The following TMED7 variants were observed in gnomAD, a reference collection of about 807,000 sequenced individuals.
TMED7 encodes the protein transmembrane emp24 domain-containing protein 7.
Under a neutral mutation model 23.4 loss-of-function variants are expected in TMED7, and 8 were observed. The observed-to-expected ratio is 0.34, with a 90% CI of 0.20 to 0.62. The LOEUF is 0.62. Ranked by LOEUF, TMED7 falls within the 20% of genes least tolerant of loss-of-function variation. The probability of loss-of-function intolerance (pLI) is 0.77; values close to 1 mark genes in which losing one functional copy is unlikely to be tolerated. For synonymous variants in TMED7, 121 were observed against 108.5 expected (o/e 1.12, Z -0.72); for missense variants, 232 against 279.1 (o/e 0.83, Z 1.20).
rs745457637 is a variant in TMED7, at chr5:115,620,462, A to G, written c.411T>C (p.Ser137=). ...QVGEDPPLFP[S]ENRVSALTQM... is the part of the protein sequence containing the mutation. Reference sequence around the variant, plus strand: ...GGGTAAGAGCACTGACTCGGTTCTCACTAGGAAACAAAGGTGGGTCTTCTC... The same window carrying G: ...GGGTAAGAGCACTGACTCGGTTCTCGCTAGGAAACAAAGGTGGGTCTTCTC... Residue 137 remains serine, a synonymous_variant, in exon 2 of 3, where the codon AGT becomes AGC. Coordinates refer to ENST00000456936, the MANE Select transcript of TMED7 (RefSeq NM_181836.6). 2 of 1,567,008 alleles carry G rather than the reference A, an allele frequency of 1.3e-6. No homozygotes were observed. The highest frequency in any genetic ancestry group is 1.7e-6 in the Non-Finnish European group (2 of 1,157,982).
chr5:115,622,151 C>T (rs372352462), intron 1 of TMED7, among the ~76,000 whole-genome samples: 19 of 152,220 alleles, frequency 1.2e-4, no homozygotes, highest in Non-Finnish European at 2.4e-4. Flanking sequence ...CTGAATTATA[C>T]GTATTTGACC....
Position 115,621,701 on chromosome 5 carries a change from G to C in TMED7, c.193-1021C>G, listed in dbSNP as rs551255600. On this transcript the variant is annotated intron_variant, in intron 1 of 2. Coordinates refer to ENST00000456936, the MANE Select transcript of TMED7 (RefSeq NM_181836.6). Reference sequence around the variant, plus strand: ...AAGGGGGAAAGGATTAAAGAGAAAGGCTTCCTTACATGAGAAAGAACTGAG... The same window carrying C: ...AAGGGGGAAAGGATTAAAGAGAAAGCCTTCCTTACATGAGAAAGAACTGAG... Among the ~76,000 whole-genome samples the C allele has an allele frequency of 7.2e-5, 11 of 152,314 alleles. 1 individual carries two copies. In the East Asian group the frequency reaches 2.1e-3, roughly 29 times the overall value.
intron 1 of TMED7, among the ~76,000 whole-genome samples, chr5:115,622,607 G>C (rs568738428): frequency 1.1e-4 from 16 of 152,236 alleles, no homozygotes; most frequent in African/African-American, 3.6e-4. Context: ...GATGCAGGTA[G>C]CTGCCCTTCT....
chr5:115,620,425 T>C lies in TMED7; in HGVS notation c.438+10A>G. 6.8e-7 allele frequency: 1 copy of C among 1,481,360 alleles called. No individual in the cohort carries two copies. Among genetic ancestry groups the C allele is most frequent in the South Asian group, 1.5e-5 (1 of 68,032 alleles). The allele number at this position is 1,481,360 out of a possible 1,614,324, so 91.8% of individuals were successfully genotyped here. A position where few individuals can be genotyped will look rare whatever the true frequency, so the allele number is the denominator to read the frequency against. ...TATACCAACATTATATTGCTGATTTTTTTATTTACCTGGGTAAGAGCACTG... is the reference window on the plus strand; with the variant it reads ...TATACCAACATTATATTGCTGATTTCTTTATTTACCTGGGTAAGAGCACTG... On this transcript the variant is annotated intron_variant, in intron 2 of 2. Coordinates refer to ENST00000456936, the MANE Select transcript of TMED7 (RefSeq NM_181836.6).
At chr5:115,616,760 G>C (rs1756774213) in intron 2 of TMED7, among the ~76,000 whole-genome samples, 1 of 152,132 alleles carries the variant, frequency 6.6e-6, no homozygotes, top group Non-Finnish European at 1.5e-5. Flanking sequence ...AGCTAAGGTT[G>C]GTGACTACAG....
Position 115,625,898 on chromosome 5 carries a change from A to G in TMED7, c.-106T>C. The G allele has an allele frequency of 1.5e-6, 2 of 1,299,620 alleles. No homozygotes were observed. The highest frequency in any genetic ancestry group is 6.4e-5 in the East Asian group (2 of 31,462). 80.5% of individuals were successfully genotyped at this position (1,299,620 alleles called of 1,614,324 possible). A position where few individuals can be genotyped will look rare whatever the true frequency, so the allele number is the denominator to read the frequency against. ...TCAGCGCAGGCCACCCCGCAAAGAT[A>G]CACAGCAGAGCAGGTTCACGCCTGT... On this transcript the variant is annotated 5_prime_UTR_variant, in exon 1 of 3. Coordinates refer to ENST00000456936, the MANE Select transcript of TMED7 (RefSeq NM_181836.6).
Position 115,615,086 on chromosome 5 carries a change from T to G in TMED7, c.*1123A>C, listed in dbSNP as rs1420610771. 1 of 152,140 alleles carries G rather than the reference T, an allele frequency of 6.6e-6. No homozygotes were observed. The highest frequency in any genetic ancestry group is 2.4e-5 in the African/African-American group (1 of 41,446). 9.4% of individuals were successfully genotyped at this position (152,140 alleles called of 1,614,324 possible). On this transcript the variant is annotated 3_prime_UTR_variant, in exon 3 of 3. Transcript: ENST00000456936. Reference sequence around the variant, plus strand: ...TGTAAACCCTATAGTCTACAGAATATGCACTATTTAATACTCATTAACTAA... The same window carrying G: ...TGTAAACCCTATAGTCTACAGAATAGGCACTATTTAATACTCATTAACTAA...
intron 1 of TMED7, among the ~76,000 whole-genome samples, chr5:115,623,075 G>A (rs1331158669): frequency 6.6e-6 from 1 of 152,148 alleles, no homozygotes; most frequent in African/African-American, 2.4e-5. Flanking sequence ...TAATAAAGTG[G>A]CTAAGAATTT....
rs558927151 is a variant in TMED7, at chr5:115,613,365, C to G, written c.*2844G>C. The G allele has an allele frequency of 3.3e-5, 5 of 152,292 alleles. No homozygotes were observed. The South Asian group carries it at 1.0e-3, about 32-fold the overall frequency. The allele number at this position is 152,292 out of a possible 1,614,324, so 9.4% of individuals were successfully genotyped here. On this transcript the variant is annotated 3_prime_UTR_variant, in exon 3 of 3. Coordinates refer to ENST00000456936, the MANE Select transcript of TMED7 (RefSeq NM_181836.6). ...AGACGTGGTATTTCTCTTTCACCTT[C>G]TTTCTTGGACAGTCCCTCAGATATT... is the stretch of plus-strand genomic sequence containing the variant.
Position 115,614,846 on chromosome 5 carries a change from C to T in TMED7, c.*1363G>A, listed in dbSNP as rs1165198125. On this transcript the variant is annotated 3_prime_UTR_variant, in exon 3 of 3. Coordinates refer to ENST00000456936, the MANE Select transcript of TMED7 (RefSeq NM_181836.6). ...ATGGTATCACATACCAAAGTCTCTA[C>T]AATATGACAGTCTTGTCTTGTTCAG... The T allele has an allele frequency of 6.6e-6, 1 of 150,958 alleles. No individual in the cohort carries two copies. Among genetic ancestry groups the T allele is most frequent in the East Asian group, 2.0e-4 (1 of 5,122 alleles). 9.4% of individuals were successfully genotyped at this position (150,958 alleles called of 1,614,324 possible). A position where few individuals can be genotyped will look rare whatever the true frequency, so the allele number is the denominator to read the frequency against.
At chr5:115,620,133 T>C (rs190780344) in intron 2 of TMED7, 133 of 217,614 alleles carry the variant, frequency 6.1e-4, no homozygotes, top group Non-Finnish European at 7.7e-4. Context: ...CTTCAGAAGA[T>C]TGGAACACTG....
chr5:115,621,029 T>G (rs1757010620), intron 1 of TMED7, among the ~76,000 whole-genome samples: 1 of 152,178 alleles, frequency 6.6e-6, no homozygotes, highest in African/African-American at 2.4e-5. Flanking sequence ...TTCAAGACTG[T>G]TCATCTAAAT....
Position 115,616,030 on chromosome 5 carries a change from T to C in TMED7, c.*179A>G. On this transcript the variant is annotated 3_prime_UTR_variant, in exon 3 of 3. Coordinates refer to ENST00000456936, the MANE Select transcript of TMED7 (RefSeq NM_181836.6). Reference sequence around the variant, plus strand: ...AAATGAGTTCCAAAGTTTTTCCACCTTTACAAATAAAAAAAGGTGTCCTTT... The same window carrying C: ...AAATGAGTTCCAAAGTTTTTCCACCCTTACAAATAAAAAAAGGTGTCCTTT... The C allele has an allele frequency of 6.0e-6, 4 of 661,638 alleles. No homozygotes were observed. Among genetic ancestry groups the C allele is most frequent in the Non-Finnish European group, 1.0e-5 (4 of 390,058 alleles). The allele number at this position is 661,638 out of a possible 1,614,324, so 41.0% of individuals were successfully genotyped here. A position where few individuals can be genotyped will look rare whatever the true frequency, so the allele number is the denominator to read the frequency against.
intron 1 of TMED7, among the ~76,000 whole-genome samples, chr5:115,622,054 C>G (rs1308652459): frequency 6.6e-6 from 1 of 152,100 alleles, no homozygotes; most frequent in Non-Finnish European, 1.5e-5. Flanking sequence ...ATAAAAGTGT[C>G]TTATCAATTG....
chr5:115,624,037 T>C (rs1200811952), intron 1 of TMED7, among the ~76,000 whole-genome samples: 3 of 152,196 alleles, frequency 2.0e-5, no homozygotes, highest in African/African-American at 7.2e-5. Flanking sequence ...TATCGGGCTT[T>C]CCTGAGAACA....
chr5:115,620,784 C>T, intron 1 of TMED7, 104 bp from the exon 2 acceptor site: 2 of 1,236,942 alleles, frequency 1.6e-6, no homozygotes, highest in South Asian at 6.5e-5. Flanking sequence ...GGGCAAAGGA[C>T]TTTTACTATC....
intron 1 of TMED7, among the ~76,000 whole-genome samples, chr5:115,623,296 C>T (rs377290): frequency 0.62 from 93,622 of 152,042 alleles, 29,840 homozygotes; most frequent in African/African-American, 0.8. Flanking sequence ...AAATAGAGTC[C>T]TGATTGCATT....
chr5:115,622,366 A>T (rs527626717), intron 1 of TMED7, among the ~76,000 whole-genome samples: 2 of 152,156 alleles, frequency 1.3e-5, no homozygotes, highest in African/African-American at 2.4e-5. Context: ...CAAATCTCTC[A>T]ATCTTTTTGC....
intron 2 of TMED7, chr5:115,619,193 G>C (rs77339517): frequency 1.3e-5 from 2 of 152,250 alleles, no homozygotes; most frequent in East Asian, 3.9e-4. Context: ...AATGGATACA[G>C]GTTAAGGTAA....
Sources: gnomAD v4.1 joint callset for allele counts (sites outside exome capture counted in the v4.1 genomes callset) on GRCh38, gnomAD v4.1.1 for gene constraint, MANE v1.5 for transcripts, NCBI Gene and HGNC (gene_info 2026-07-23, HGNC 2026-07-21) for gene names.